The following CTNNA3 variants were observed in gnomAD, a reference collection of about 807,000 sequenced individuals.
CTNNA3 encodes catenin alpha 3, also known as catenin alpha-3.
A neutral mutation model predicts 95.7 loss-of-function variants in CTNNA3; 76 were observed. The observed-to-expected ratio is 0.79, with a 90% CI of 0.66 to 0.96. The LOEUF (loss-of-function observed/expected upper bound fraction) is 0.96, where lower values mean the gene tolerates loss of function less well. CTNNA3 is among the 40% of genes least tolerant of loss of function. The pLI, the probability that CTNNA3 is intolerant of heterozygous loss-of-function variation, is 0.00. For missense variants in CTNNA3, 1,191 were observed against 1,089.8 expected (o/e 1.09, Z -1.31); for synonymous variants, 431 against 374.4 (o/e 1.15, Z -1.74).
chr10:67,226,913 T>C (rs1864944310), intron 5 of CTNNA3, among the ~76,000 whole-genome samples: 1 of 152,162 alleles, frequency 6.6e-6, no homozygotes, highest in Non-Finnish European at 1.5e-5. Flanking sequence ...AGAATGTAAA[T>C]GGCTTAAATG....
chr10:67,172,977 GAA>G (rs61247841), intron 7 of CTNNA3, among the ~76,000 whole-genome samples: 70 of 130,654 alleles, frequency 5.4e-4, no homozygotes, highest in African/African-American at 1.7e-3. Flanking sequence ...CCCATCTCAG[GAA>G]AAAAAAAAAA....
rs1204025778 is a variant in CTNNA3, at chr10:65,916,937, T to C, written c.*3393A>G. 6.6e-6 allele frequency: 1 copy of C among 152,142 alleles called. No individual in the cohort carries two copies. The highest frequency in any genetic ancestry group is 2.4e-5 in the African/African-American group (1 of 41,428). 9.4% of individuals were successfully genotyped at this position (152,142 alleles called of 1,614,324 possible). A position where few individuals can be genotyped will look rare whatever the true frequency, so the allele number is the denominator to read the frequency against. ...CACTCATTATTTAATTTGAGGAGCA[T>C]TAATTATTTGGTCTGAAGGCCCAAG... On this transcript the variant is annotated 3_prime_UTR_variant, in exon 18 of 18. Coordinates refer to ENST00000433211, the MANE Select transcript of CTNNA3 (RefSeq NM_013266.4).
chr10:66,029,732 T>C (rs2079413354), intron 15 of CTNNA3, among the ~76,000 whole-genome samples: 1 of 152,164 alleles, frequency 6.6e-6, no homozygotes, highest in Admixed American at 6.6e-5. Context: ...TTTTCACTCA[T>C]TATTTTATTC....
chr10:66,028,549 G>T (rs1044801629), intron 15 of CTNNA3, among the ~76,000 whole-genome samples: 2 of 150,992 alleles, frequency 1.3e-5, no homozygotes, highest in Non-Finnish European at 3.0e-5. Flanking sequence ...GAACAATGAG[G>T]ACACATGGAC....
At chr10:67,402,906 A>G (rs979922101) in intron 5 of CTNNA3, among the ~76,000 whole-genome samples, 13 of 152,198 alleles carry the variant, frequency 8.5e-5, no homozygotes, top group Non-Finnish European at 4.4e-5. Context: ...TACCCCTAGG[A>G]AGGGGGCCGA....
chr10:67,201,197 C>T (rs1470481314), intron 6 of CTNNA3, among the ~76,000 whole-genome samples: 5 of 152,196 alleles, frequency 3.3e-5, no homozygotes, highest in African/African-American at 7.2e-5. Flanking sequence ...CTGTTAGAGA[C>T]AGCATGGTTT....
At chr10:67,511,298 T>C (rs1309477005) in intron 5 of CTNNA3, among the ~76,000 whole-genome samples, 1 of 152,132 alleles carries the variant, frequency 6.6e-6, no homozygotes, top group African/African-American at 2.4e-5. Context: ...ATGCTTCCAG[T>C]TTTTGCCCAG....
chr10:67,004,903 C>T (rs892698549), intron 7 of CTNNA3, among the ~76,000 whole-genome samples: 1 of 152,108 alleles, frequency 6.6e-6, no homozygotes, highest in African/African-American at 2.4e-5. Context: ...TCTAGTAGAA[C>T]GCAGTATTTT....
At chr10:66,943,776 TCA>T (rs1341337975) in intron 7 of CTNNA3, among the ~76,000 whole-genome samples, 1 of 152,124 alleles carries the variant, frequency 6.6e-6, no homozygotes, top group African/African-American at 2.4e-5. Context: ...ATAAAATGAG[TCA>T]CACAAATTTT....
intron 7 of CTNNA3, among the ~76,000 whole-genome samples, chr10:66,825,052 A>C (rs887882811): frequency 6.6e-6 from 1 of 151,766 alleles, no homozygotes; most frequent in African/African-American, 2.4e-5. Flanking sequence ...CAAAAAAAAA[A>C]AATTATTTAG....
intron 16 of CTNNA3, among the ~76,000 whole-genome samples, chr10:65,983,033 G>A (rs888719708): frequency 2.0e-5 from 3 of 151,582 alleles, no homozygotes; most frequent in Non-Finnish European, 4.4e-5. Context: ...CTTGTAGGTT[G>A]TTTTGTTCAT....
intron 6 of CTNNA3, among the ~76,000 whole-genome samples, chr10:67,189,321 G>C (rs1189993011): frequency 1.3e-5 from 2 of 151,946 alleles, no homozygotes; most frequent in Non-Finnish European, 2.9e-5. Flanking sequence ...GGGGCTAGGG[G>C]GCAGGGACAG....
intron 5 of CTNNA3, among the ~76,000 whole-genome samples, chr10:67,423,220 C>A (rs978199374): frequency 1.3e-5 from 2 of 152,112 alleles, no homozygotes; most frequent in African/African-American, 4.8e-5. Context: ...TAGCACTCTG[C>A]CCTTTCATCA....
intron 1 of CTNNA3, among the ~76,000 whole-genome samples, chr10:67,672,115 G>C (rs1840447460): frequency 6.6e-6 from 1 of 152,220 alleles, no homozygotes; most frequent in South Asian, 2.1e-4. Flanking sequence ...GGCCAGTGAT[G>C]ATGAGCATTT....
chr10:66,709,439 G>A (rs565194921), intron 9 of CTNNA3, among the ~76,000 whole-genome samples: 10 of 152,034 alleles, frequency 6.6e-5, no homozygotes, highest in Admixed American at 2.0e-4. Context: ...CATAAAGGTC[G>A]TCATCCCTTG....
chr10:67,542,902 T>G (rs976894975), intron 3 of CTNNA3, among the ~76,000 whole-genome samples: 2 of 152,172 alleles, frequency 1.3e-5, no homozygotes, highest in Non-Finnish European at 2.9e-5. Flanking sequence ...CCTTTCCATC[T>G]AGAATATTAG....
chr10:66,010,527 T>C (rs1467296964), intron 15 of CTNNA3, among the ~76,000 whole-genome samples: 3 of 152,190 alleles, frequency 2.0e-5, no homozygotes, highest in African/African-American at 7.2e-5. Context: ...TTTTCAAACA[T>C]AGCTATTATT....
intron 7 of CTNNA3, among the ~76,000 whole-genome samples, chr10:66,806,756 ATG>A (rs57749652): frequency 0.027 from 3,970 of 145,776 alleles, 73 homozygotes; most frequent in African/African-American, 0.045. Context: ...TGTGGCATAT[ATG>A]TGTGTGTGTG....
At chr10:66,814,262 G>C (rs1841993030) in intron 7 of CTNNA3, among the ~76,000 whole-genome samples, 1 of 36,634 alleles carries the variant, frequency 2.7e-5, no homozygotes, top group Non-Finnish European at 4.2e-5. Flanking sequence ...AGTAAAGGAG[G>C]AAAGAAAAAA....
Sources: allele counts gnomAD v4.1 joint callset (sites outside exome capture counted in the v4.1 genomes callset), GRCh38; gene constraint gnomAD v4.1.1; transcripts MANE v1.5; gene names NCBI Gene and HGNC (gene_info 2026-07-23, HGNC 2026-07-21).